TSPAN18: variants seen among roughly 807,000 people sequenced by gnomAD.
The protein encoded by TSPAN18 is tetraspanin 18.
Under a neutral mutation model 27.3 loss-of-function variants are expected in TSPAN18, and 14 were observed. That is an observed-to-expected ratio of 0.51 (90% CI 0.34 to 0.80). TSPAN18 has a LOEUF of 0.80. TSPAN18 is among the 30% of genes least tolerant of loss of function. The probability of loss-of-function intolerance (pLI) is 0.01; values close to 1 mark genes in which losing one functional copy is unlikely to be tolerated. For missense variants in TSPAN18, 268 were observed against 323.9 expected, an observed-to-expected ratio of 0.83 and a Z score of 1.32; for synonymous variants, 143 against 136.5, an observed-to-expected ratio of 1.05 and a Z score of -0.33.
chr11:44,728,159 CG>C, intron 1 of TSPAN18, among the ~76,000 whole-genome samples: 1 of 152,160 alleles, frequency 6.6e-6, no homozygotes, highest in Non-Finnish European at 1.5e-5. Flanking sequence ...ACTAGCCAGA[CG>C]GGGGAGCGGG....
chr11:44,879,074 C>A (rs1435675727), intron 3 of TSPAN18, among the ~76,000 whole-genome samples: 2 of 152,210 alleles, frequency 1.3e-5, no homozygotes, highest in African/African-American at 2.4e-5. Flanking sequence ...CCCTTGCCAT[C>A]TTGAAATTCT....
intron 8 of TSPAN18, among the ~76,000 whole-genome samples, chr11:44,920,820 G>C (rs1002850758): frequency 1.3e-5 from 2 of 152,228 alleles, no homozygotes; most frequent in Non-Finnish European, 2.9e-5. Flanking sequence ...CAAGGCCCCT[G>C]TTCCTGCGAG....
rs1373057935 is a variant in TSPAN18, at chr11:44,929,419, C to G, written c.*241C>G. ...CAGGTGCCGTGGGTTCTCCAGAGAC[C>G]CCAGCAACTGGCCCAGGATGCAGGC... On this transcript the variant is annotated 3_prime_UTR_variant, in exon 10 of 10. Transcript: ENST00000520358. The G allele has an allele frequency of 1.7e-6, 1 of 571,522 alleles. No individual in the cohort carries two copies. The highest frequency in any genetic ancestry group is 3.1e-6 in the Non-Finnish European group (1 of 324,108). 35.4% of individuals were successfully genotyped at this position (571,522 alleles called of 1,614,324 possible). A position where few individuals can be genotyped will look rare whatever the true frequency, so the allele number is the denominator to read the frequency against.
At chr11:44,741,323 C>T (rs1312010046) in intron 1 of TSPAN18, among the ~76,000 whole-genome samples, 4 of 152,070 alleles carry the variant, frequency 2.6e-5, no homozygotes, top group African/African-American at 9.7e-5. Flanking sequence ...GCACAATGAG[C>T]TCAAATAAAA....
chr11:44,921,687 G>A (rs907043305), intron 8 of TSPAN18, among the ~76,000 whole-genome samples: 11 of 152,206 alleles, frequency 7.2e-5, no homozygotes, highest in East Asian at 1.9e-4. Flanking sequence ...CCACCATAGC[G>A]TGGGGTTTAT....
chr11:44,870,650 A>C (rs1262454790), intron 3 of TSPAN18, among the ~76,000 whole-genome samples: 2 of 152,206 alleles, frequency 1.3e-5, no homozygotes, highest in Non-Finnish European at 2.9e-5. Context: ...CTTTGGTTTC[A>C]TCCTTTGAGA....
intron 3 of TSPAN18, among the ~76,000 whole-genome samples, chr11:44,865,894 C>A (rs1326673874): frequency 6.6e-6 from 1 of 152,218 alleles, no homozygotes; most frequent in African/African-American, 2.4e-5. Context: ...GGGTCTCCAG[C>A]ACTCTATGGG....
At chr11:44,905,356 G>C (rs547364248) in intron 3 of TSPAN18, among the ~76,000 whole-genome samples, 1 of 152,262 alleles carries the variant, frequency 6.6e-6, no homozygotes, top group East Asian at 1.9e-4. Context: ...CAAACCCCCT[G>C]CTGGAAGCAC....
chr11:44,780,071 A>G (rs938716866), intron 2 of TSPAN18, among the ~76,000 whole-genome samples: 5 of 152,172 alleles, frequency 3.3e-5, no homozygotes, highest in Non-Finnish European at 5.9e-5. Context: ...ATTTGTGCAA[A>G]CGTCTTCACA....
At chr11:44,851,353 C>T (rs1261910340) in intron 2 of TSPAN18, among the ~76,000 whole-genome samples, 1 of 152,188 alleles carries the variant, frequency 6.6e-6, no homozygotes, top group African/African-American at 2.4e-5. Flanking sequence ...CCAGAGGTTG[C>T]CCTCTAAGGC....
intron 3 of TSPAN18, among the ~76,000 whole-genome samples, chr11:44,904,560 C>G (rs774822392): frequency 6.6e-6 from 1 of 152,214 alleles, no homozygotes; most frequent in Non-Finnish European, 1.5e-5. Flanking sequence ...TGTGTCGACT[C>G]CCCACCAGCT....
At chr11:44,831,962 G>A (rs1857163756) in intron 2 of TSPAN18, among the ~76,000 whole-genome samples, 1 of 152,084 alleles carries the variant, frequency 6.6e-6, no homozygotes, top group African/African-American at 2.4e-5. Context: ...CAGCACCATG[G>A]CCCCTGAAAT....
chr11:44,798,031 A>G (rs1856390195), intron 2 of TSPAN18, among the ~76,000 whole-genome samples: 1 of 152,166 alleles, frequency 6.6e-6, no homozygotes, highest in South Asian at 2.1e-4. Flanking sequence ...CATGGACCAC[A>G]GTGCCTTTTT....
intron 3 of TSPAN18, among the ~76,000 whole-genome samples, chr11:44,863,795 T>TA (rs11384243): frequency 0.99 from 150,931 of 152,342 alleles, 74,786 homozygotes; most frequent in East Asian, 1. Context: ...ATAGTAATAG[T>TA]CACTTCTCGT....
Position 44,839,289 on chromosome 11 carries a change from C to A in TSPAN18, c.-152-21039C>A, listed in dbSNP as rs992874001. ...ACTCTGGGCCCCCCGGCTCCCCAGT[C>A]TGTCCTCTGTCTGCTCAGGCTGTCT... is the stretch of plus-strand genomic sequence containing the variant. On this transcript the variant is annotated intron_variant, in intron 2 of 9. Coordinates refer to ENST00000520358, the MANE Select transcript of TSPAN18 (RefSeq NM_130783.5). 2.6e-5 allele frequency among the ~76,000 whole-genome samples: 4 copies of A among 152,210 alleles called. No homozygotes were observed. In the East Asian group the frequency reaches 5.8e-4, roughly 22 times the overall value.
chr11:44,884,920 C>A (rs1479331826), intron 3 of TSPAN18, among the ~76,000 whole-genome samples: 1 of 152,182 alleles, frequency 6.6e-6, no homozygotes, highest in Non-Finnish European at 1.5e-5. Flanking sequence ...AAGTCACTCC[C>A]TCAATAGTTC....
At chr11:44,794,830 T>A (rs970879254) in intron 2 of TSPAN18, among the ~76,000 whole-genome samples, 12 of 152,186 alleles carry the variant, frequency 7.9e-5, no homozygotes, top group African/African-American at 2.7e-4. Flanking sequence ...TCTGATGAAG[T>A]GGGTGTGAGG....
At chr11:44,752,394 T>C (rs776138910) in intron 1 of TSPAN18, among the ~76,000 whole-genome samples, 2 of 152,220 alleles carry the variant, frequency 1.3e-5, no homozygotes, top group Admixed American at 6.5e-5. Context: ...TCTTTCTTTT[T>C]TTTTTGACAC....
At chr11:44,811,485 G>A (rs1391862130) in intron 2 of TSPAN18, among the ~76,000 whole-genome samples, 1 of 147,340 alleles carries the variant, frequency 6.8e-6, no homozygotes, top group African/African-American at 2.5e-5. Flanking sequence ...TTGAGATGGA[G>A]TCTCGCTCTT....
Sources: allele counts gnomAD v4.1 joint callset (sites outside exome capture counted in the v4.1 genomes callset), GRCh38; gene constraint gnomAD v4.1.1; transcripts MANE v1.5; gene names NCBI Gene and HGNC (gene_info 2026-07-23, HGNC 2026-07-21).